The following SPAG16 variants were observed in gnomAD, a reference collection of about 807,000 sequenced individuals.
The protein encoded by SPAG16 is sperm-associated antigen 16 protein.
SPAG16 carries 86 observed loss-of-function variants against 80.4 expected under a neutral mutation model. The observed-to-expected ratio is 1.07, with a 90% confidence interval of 0.90 to 1.28. The LOEUF (loss-of-function observed/expected upper bound fraction) is 1.28. SPAG16 is among the 50% of genes most tolerant of loss of function. SPAG16 has a pLI of 0.00. For synonymous variants in SPAG16, 294 were observed against 265.9 expected (o/e 1.11, Z -1.03); for missense variants, 870 against 765.3 (o/e 1.14, Z -1.61).
intron 15 of SPAG16, among the ~76,000 whole-genome samples, chr2:214,369,360 G>A (rs915410190): frequency 2.6e-5 from 4 of 151,622 alleles, no homozygotes; most frequent in African/African-American, 7.2e-5. Flanking sequence ...GTAATGCTGC[G>A]AGCTTCAGTT....
At chr2:213,875,012 G>T (rs935490085) in intron 11 of SPAG16, among the ~76,000 whole-genome samples, 2 of 152,072 alleles carry the variant, frequency 1.3e-5, no homozygotes, top group African/African-American at 4.8e-5. Flanking sequence ...GTGCATCATA[G>T]CTCACTGCAG....
chr2:213,685,050 G>A (rs1212256984), intron 10 of SPAG16, among the ~76,000 whole-genome samples: 1 of 152,152 alleles, frequency 6.6e-6, no homozygotes, highest in Non-Finnish European at 1.5e-5. Flanking sequence ...TTTGTGAGGA[G>A]GTATCAGTTG....
At chr2:213,322,334 CAAAAAAA>C (rs755345457) in intron 5 of SPAG16, among the ~76,000 whole-genome samples, 296 of 23,708 alleles carry the variant, frequency 0.012, 2 homozygotes, top group African/African-American at 0.042. Context: ...GTAGACAATG[CAAAAAAA>C]AAAAAAAAAA....
intron 9 of SPAG16, among the ~76,000 whole-genome samples, chr2:213,480,871 C>A (rs1690462769): frequency 6.6e-6 from 1 of 152,046 alleles, no homozygotes; most frequent in South Asian, 2.1e-4. Context: ...TATTACATAA[C>A]AAGCTTATCA....
chr2:213,409,808 A>G (rs2068858043), intron 9 of SPAG16, among the ~76,000 whole-genome samples: 5 of 152,208 alleles, frequency 3.3e-5, no homozygotes. Context: ...GAAATTTCTC[A>G]GTAAGAAGGC....
chr2:213,574,399 C>G (rs1447290194), intron 10 of SPAG16, among the ~76,000 whole-genome samples: 3 of 151,986 alleles, frequency 2.0e-5, no homozygotes, highest in African/African-American at 4.8e-5. Flanking sequence ...AAGGAGCACT[C>G]TACATCAGAG....
intron 15 of SPAG16, among the ~76,000 whole-genome samples, chr2:214,360,462 G>T (rs764707689): frequency 1.3e-5 from 2 of 151,786 alleles, no homozygotes; most frequent in East Asian, 1.9e-4. Flanking sequence ...AATTTTGAAA[G>T]CTCTAAAATT....
chr2:214,371,220 A>T (rs1279088468), intron 15 of SPAG16, among the ~76,000 whole-genome samples: 1 of 152,116 alleles, frequency 6.6e-6, no homozygotes, highest in Non-Finnish European at 1.5e-5. Flanking sequence ...GTGTAATGAC[A>T]GCCTACTCAG....
chr2:213,381,942 C>T (rs1033862680), intron 9 of SPAG16, among the ~76,000 whole-genome samples: 1 of 152,234 alleles, frequency 6.6e-6, no homozygotes, highest in Admixed American at 6.5e-5. Flanking sequence ...TTTCATTCAT[C>T]ACTGTCTTTC....
chr2:214,137,732 A>AAG (rs2055136854), intron 14 of SPAG16, among the ~76,000 whole-genome samples: 1 of 152,114 alleles, frequency 6.6e-6, no homozygotes, highest in Admixed American at 6.6e-5. Context: ...TATCTCTTTA[A>AAG]GCATTATTTT....
intron 13 of SPAG16, among the ~76,000 whole-genome samples, chr2:214,077,884 T>C (rs1027141496): frequency 2.0e-5 from 3 of 152,238 alleles, no homozygotes; most frequent in Non-Finnish European, 4.4e-5. Flanking sequence ...AACTTGCTGT[T>C]CCTTTTGTGT....
intron 10 of SPAG16, among the ~76,000 whole-genome samples, chr2:213,780,584 T>TTC (rs2069889976): frequency 1.3e-5 from 2 of 150,462 alleles, no homozygotes; most frequent in Admixed American, 1.3e-4. Flanking sequence ...TTTTTTTTTT[T>TTC]TTTTTGGTGG....
intron 15 of SPAG16, among the ~76,000 whole-genome samples, chr2:214,384,857 G>A (rs4673823): frequency 2.0e-5 from 3 of 152,102 alleles, no homozygotes; most frequent in Non-Finnish European, 2.9e-5. Context: ...TGAGTCACTC[G>A]TCTCCATGTC....
At chr2:213,866,630 G>A (rs2075694641) in intron 11 of SPAG16, among the ~76,000 whole-genome samples, 1 of 150,132 alleles carries the variant, frequency 6.7e-6, no homozygotes, top group African/African-American at 2.5e-5. Flanking sequence ...GTCAAACCTG[G>A]ATGCCATGAA....
chr2:214,255,270 G>A (rs1177935558), intron 15 of SPAG16, among the ~76,000 whole-genome samples: 1 of 151,900 alleles, frequency 6.6e-6, no homozygotes, highest in African/African-American at 2.4e-5. Flanking sequence ...AACACATTCT[G>A]TGATGTGGGC....
At chr2:213,458,141 C>T (rs946729167) in intron 9 of SPAG16, among the ~76,000 whole-genome samples, 2 of 152,030 alleles carry the variant, frequency 1.3e-5, no homozygotes, top group African/African-American at 2.4e-5. Flanking sequence ...TGTAAGACTC[C>T]ATTATTATTG....
rs183174815 is a variant in SPAG16, at chr2:213,631,074, G to A, written c.1070+140984G>A. Among the ~76,000 whole-genome samples, 370 of 152,132 alleles carry A rather than the reference G, an allele frequency of 2.4e-3. 2 individuals carry two copies. Among genetic ancestry groups the A allele is most frequent in the African/African-American group, 8.4e-3 (349 of 41,494 alleles). ...ATGAAAATCCAGGGAAAACACTACC[G>A]GCAAAACTACAGCAAATGACAAGGC... On this transcript the variant is annotated intron_variant, in intron 10 of 15. Coordinates refer to ENST00000331683, the MANE Select transcript of SPAG16 (RefSeq NM_024532.5).
chr2:213,295,246 T>TAAC (rs968281361), intron 1 of SPAG16, among the ~76,000 whole-genome samples: 4 of 151,972 alleles, frequency 2.6e-5, no homozygotes, highest in East Asian at 1.9e-4. Context: ...CTAACAATAA[T>TAAC]AACAACAACA....
intron 10 of SPAG16, among the ~76,000 whole-genome samples, chr2:213,671,548 G>C (rs1285424758): frequency 6.6e-6 from 1 of 152,148 alleles, no homozygotes; most frequent in Non-Finnish European, 1.5e-5. Context: ...TGGTGCTTCT[G>C]CTGTCTCCCA....
Sources: gnomAD v4.1 joint callset for allele counts (sites outside exome capture counted in the v4.1 genomes callset) on GRCh38, gnomAD v4.1.1 for gene constraint, MANE v1.5 for transcripts, NCBI Gene and HGNC (gene_info 2026-07-23, HGNC 2026-07-21) for gene names.